KDM4C: variants seen among roughly 807,000 people sequenced by gnomAD.
KDM4C encodes lysine demethylase 4C.
In KDM4C, 81 loss-of-function variants were observed where a neutral mutation model predicts 129.3. That is an observed-to-expected ratio of 0.63 (90% CI 0.52 to 0.75). KDM4C has a LOEUF of 0.75. KDM4C is among the 30% of genes least tolerant of loss of function. The probability of loss-of-function intolerance (pLI) is 0.00; values close to 1 mark genes in which losing one functional copy is unlikely to be tolerated. For synonymous variants in KDM4C, 573 were observed against 456.1 expected (o/e 1.26, Z -3.26); for missense variants, 1,457 against 1,304.0 (o/e 1.12, Z -1.81).
intron 5 of KDM4C, among the ~76,000 whole-genome samples, chr9:6,870,252 T>G (rs1446686903): frequency 1.3e-5 from 2 of 152,098 alleles, no homozygotes; most frequent in African/African-American, 4.8e-5. Flanking sequence ...CATTGTCTTT[T>G]GCTTGTTCAT....
intron 3 of KDM4C, among the ~76,000 whole-genome samples, chr9:6,812,457 T>C (rs1022395368): frequency 2.6e-5 from 4 of 152,172 alleles, no homozygotes; most frequent in African/African-American, 9.7e-5. Context: ...AAGATAATTT[T>C]TCTATGGATG....
intron 19 of KDM4C, among the ~76,000 whole-genome samples, chr9:7,146,078 G>A (rs914995942): frequency 6.6e-6 from 1 of 152,168 alleles, no homozygotes; most frequent in African/African-American, 2.4e-5. Context: ...AATTATTTAT[G>A]CAGCCATTAA....
intron 18 of KDM4C, among the ~76,000 whole-genome samples, chr9:7,124,151 C>T (rs867638604): frequency 6.6e-6 from 1 of 152,138 alleles, no homozygotes; most frequent in African/African-American, 2.4e-5. Context: ...ATGTAACACC[C>T]CCAAGATCAT....
At chr9:7,128,333 G>C in intron 19 of KDM4C, 97 bp downstream of exon 19, 2 of 878,782 alleles carry the variant, frequency 2.3e-6, no homozygotes, top group East Asian at 5.9e-5. Context: ...GGCTTTTTGA[G>C]TAGCTCATTC....
At chr9:7,157,780 A>G (rs1386281349) in intron 19 of KDM4C, among the ~76,000 whole-genome samples, 1 of 152,184 alleles carries the variant, frequency 6.6e-6, no homozygotes, top group South Asian at 2.1e-4. Context: ...GGATTTTTGC[A>G]TCAGTGCTCA....
intron 19 of KDM4C, among the ~76,000 whole-genome samples, chr9:7,135,365 C>A (rs535897104): frequency 8.5e-5 from 13 of 152,298 alleles, no homozygotes; most frequent in Admixed American, 7.8e-4. Flanking sequence ...GTTCCTGGCA[C>A]TTCCTTCCCA....
chr9:7,166,094 A>G (rs949556022), intron 20 of KDM4C, among the ~76,000 whole-genome samples: 4 of 152,226 alleles, frequency 2.6e-5, no homozygotes, highest in Non-Finnish European at 4.4e-5. Context: ...GAGCCAATAC[A>G]TTGTAGAATT....
chr9:7,052,148 A>T (rs1006834258), intron 17 of KDM4C, among the ~76,000 whole-genome samples: 2 of 152,166 alleles, frequency 1.3e-5, no homozygotes, highest in East Asian at 3.8e-4. Context: ...ACAAACCTGG[A>T]TTTTTTTCTT....
intron 5 of KDM4C, among the ~76,000 whole-genome samples, chr9:6,850,550 A>G (rs552774775): frequency 2.0e-5 from 3 of 151,718 alleles, no homozygotes; most frequent in Non-Finnish European, 2.9e-5. Flanking sequence ...GGTTCAAGCA[A>G]TTCTGCTGCC....
At chr9:7,032,071 C>G (rs998635755) in intron 15 of KDM4C, among the ~76,000 whole-genome samples, 1 of 152,202 alleles carries the variant, frequency 6.6e-6, no homozygotes, top group Non-Finnish European at 1.5e-5. Context: ...TTGTGAACCA[C>G]GAAGCTCCAA....
intron 17 of KDM4C, chr9:7,076,398 A>T: frequency 7.1e-7 from 1 of 1,403,538 alleles, no homozygotes. Context: ...AAAATCTGGC[A>T]TATTGGACTT....
rs552197845 is a variant in KDM4C, at chr9:6,741,336, A to C, written c.49+20339A>C. 2.0e-5 allele frequency among the ~76,000 whole-genome samples: 3 copies of C among 152,242 alleles called. No homozygotes were observed. In the East Asian group the frequency reaches 5.8e-4, roughly 30 times the overall value. On this transcript the variant is annotated intron_variant, in intron 1 of 17. Coordinates refer to the KDM4C transcript ENST00000536108. Reference sequence around the variant, plus strand: ...CTTGAACTAGGGAGGCGGAGGTTGCAGTGGGCAGAGATTGCGACACTGCAC... The same window carrying C: ...CTTGAACTAGGGAGGCGGAGGTTGCCGTGGGCAGAGATTGCGACACTGCAC...
At chr9:6,930,199 A>C (rs1360929377) in intron 8 of KDM4C, among the ~76,000 whole-genome samples, 1 of 152,174 alleles carries the variant, frequency 6.6e-6, no homozygotes, top group Non-Finnish European at 1.5e-5. Context: ...AGATTCAGCC[A>C]CTGATGGGAA....
chr9:7,141,866 G>A (rs903875481), intron 19 of KDM4C, among the ~76,000 whole-genome samples: 1 of 151,416 alleles, frequency 6.6e-6, no homozygotes, highest in Non-Finnish European at 1.5e-5. Context: ...ATGCCTCAAT[G>A]TGAGAAGAGA....
intron 8 of KDM4C, among the ~76,000 whole-genome samples, chr9:6,922,115 G>T (rs1003436912): frequency 1.7e-4 from 26 of 152,228 alleles, no homozygotes; most frequent in African/African-American, 5.8e-4. Context: ...AATATTTGCT[G>T]CATGAATGAA....
At chr9:6,732,670 G>T (rs564504903) in intron 1 of KDM4C, among the ~76,000 whole-genome samples, 2 of 152,178 alleles carry the variant, frequency 1.3e-5, no homozygotes, top group African/African-American at 4.8e-5. Flanking sequence ...CCTAAACCGG[G>T]ATTGAACCCA....
chr9:6,985,882 G>A (rs371772037), intron 10 of KDM4C, among the ~76,000 whole-genome samples: 1 of 152,134 alleles, frequency 6.6e-6, no homozygotes, highest in African/African-American at 2.4e-5. Context: ...GTAGAGCTGG[G>A]GTTTCGCCGT....
rs116107476 is a variant in KDM4C, at chr9:6,841,033, C to G, written c.436-8474C>G. Among the ~76,000 whole-genome samples the G allele has an allele frequency of 3.8e-3, 571 of 152,256 alleles. 2 individuals are homozygous for G. Among genetic ancestry groups the G allele is most frequent in the African/African-American group, 0.013 (551 of 41,562 alleles). ...CTGTAGTCCTGCCCATCTGTATATT[C>G]TTTTTGATGACTTCGTTAAGTTACG... On this transcript the variant is annotated intron_variant, in intron 4 of 21. Transcript: ENST00000381309.
chr9:6,827,955 A>G (rs181329815), intron 4 of KDM4C, among the ~76,000 whole-genome samples: 1 of 152,190 alleles, frequency 6.6e-6, no homozygotes, highest in Non-Finnish European at 1.5e-5. Context: ...TATTGGTCAC[A>G]TTGCATCCAG....
Sources: gnomAD v4.1 joint callset for allele counts (sites outside exome capture counted in the v4.1 genomes callset) on GRCh38, gnomAD v4.1.1 for gene constraint, MANE v1.5 for transcripts, NCBI Gene and HGNC (gene_info 2026-07-23, HGNC 2026-07-21) for gene names.